Variants in SCN2A observed in about 807,000 individuals in gnomAD.
SCN2A encodes sodium voltage-gated channel alpha subunit 2.
SCN2A carries 20 observed loss-of-function variants against 188.7 expected under a neutral mutation model. That is an observed-to-expected ratio of 0.11 (90% CI 0.07 to 0.15). The LOEUF (loss-of-function observed/expected upper bound fraction) is 0.15. Among genes scored for constraint, SCN2A ranks in the 10% least tolerant of loss-of-function variants. The pLI is 1.00. For synonymous variants in SCN2A, 804 were observed against 833.1 expected (o/e 0.97, Z 0.60); for missense variants, 1,278 against 2,445.0 (o/e 0.52, Z 10.07).
chr2:165,310,602 TATACTC>T lies in SCN2A; in HGVS notation c.970+8_970+13del. On this transcript the variant is annotated splice_region_variant and intron_variant, in intron 7 of 26. Coordinates refer to ENST00000375437, the MANE Select transcript of SCN2A (RefSeq NM_001040142.2). ...GAATATATTGAGGATAAAAGTAAGA[TATACTC>T]TATAAACCATTAAGTTGTTTAGTTC... The T allele has an allele frequency of 6.3e-7, 1 of 1,599,908 alleles. No individual in the cohort carries two copies. The highest frequency in any genetic ancestry group is 8.6e-7 in the Non-Finnish European group (1 of 1,168,694).
At chr2:165,331,082 T>C (rs1303412449) in intron 13 of SCN2A, among the ~76,000 whole-genome samples, 1 of 152,132 alleles carries the variant, frequency 6.6e-6, no homozygotes, top group Non-Finnish European at 1.5e-5. Context: ...ATCAGACAGT[T>C]TAGTGTTGCC....
chr2:165,303,669 A>G (rs1285743122), intron 3 of SCN2A, among the ~76,000 whole-genome samples: 1 of 152,156 alleles, frequency 6.6e-6, no homozygotes, highest in Admixed American at 6.5e-5. Flanking sequence ...ATAAATTAAC[A>G]ATGATTTAGA....
chr2:165,305,383 C>T (rs2105234957), intron 3 of SCN2A, among the ~76,000 whole-genome samples: 1 of 152,274 alleles, frequency 6.6e-6, no homozygotes, highest in East Asian at 1.9e-4. Context: ...AGAGCGGTCT[C>T]ACTTGGAGAG....
chr2:165,358,668 T>A (rs1700300159), intron 17 of SCN2A, among the ~76,000 whole-genome samples: 1 of 152,058 alleles, frequency 6.6e-6, no homozygotes, highest in African/African-American at 2.4e-5. Flanking sequence ...GTCCATCTTC[T>A]TCATTTTCTT....
intron 1 of SCN2A, among the ~76,000 whole-genome samples, chr2:165,287,300 A>T (rs921336451): frequency 2.0e-5 from 3 of 152,134 alleles, no homozygotes; most frequent in African/African-American, 7.2e-5. Flanking sequence ...ATGTGCAGTG[A>T]TCTGCCAGCA....
chr2:165,325,782 A>C (rs1423270193), intron 12 of SCN2A, among the ~76,000 whole-genome samples: 1 of 152,172 alleles, frequency 6.6e-6, no homozygotes, highest in Non-Finnish European at 1.5e-5. Flanking sequence ...AATTAATTTT[A>C]GAATGACCTA....
intron 1 of SCN2A, among the ~76,000 whole-genome samples, chr2:165,253,387 G>A (rs891098190): frequency 1.8e-4 from 28 of 152,148 alleles, no homozygotes; most frequent in African/African-American, 5.3e-4. Context: ...ATCATTGAGA[G>A]GCCACTTATA....
intron 9 of SCN2A, 63 bp from the exon 10 acceptor site, chr2:165,313,839 C>T: frequency 6.2e-7 from 1 of 1,611,000 alleles, no homozygotes; most frequent in Non-Finnish European, 8.5e-7. Context: ...TATTTTATTA[C>T]TTAGAGTGTA....
intron 1 of SCN2A, chr2:165,267,869 C>T (rs1173129784): frequency 6.6e-6 from 1 of 151,854 alleles, no homozygotes; most frequent in Non-Finnish European, 1.5e-5. Context: ...CACTAATCAT[C>T]AGGAAAACAC....
chr2:165,268,700 G>C (rs1198827543), intron 1 of SCN2A: 1 of 151,760 alleles, frequency 6.6e-6, no homozygotes, highest in African/African-American at 2.4e-5. Context: ...ATTTCCAATA[G>C]ACAGGATACG....
chr2:165,356,863 T>C (rs2105341658), intron 17 of SCN2A, among the ~76,000 whole-genome samples: 1 of 152,298 alleles, frequency 6.6e-6, no homozygotes, highest in African/African-American at 2.4e-5. Context: ...ATCATTAAGC[T>C]TTTTGATTTG....
chr2:165,379,500 C>G (rs1001035972), intron 23 of SCN2A, among the ~76,000 whole-genome samples: 2 of 151,522 alleles, frequency 1.3e-5, no homozygotes, highest in Admixed American at 1.3e-4. Context: ...AAGGGTACAC[C>G]AAGGGTTTCT....
At chr2:165,299,921 C>T (rs190846070) in intron 3 of SCN2A, among the ~76,000 whole-genome samples, 18 of 152,220 alleles carry the variant, frequency 1.2e-4, no homozygotes, top group East Asian at 3.9e-4. Flanking sequence ...CAAACAAAAA[C>T]CTTGACTTGT....
chr2:165,354,134 G>A (rs2105336687), intron 16 of SCN2A, 58 bp from the exon 17 acceptor site: 2 of 1,607,466 alleles, frequency 1.2e-6, no homozygotes, highest in Admixed American at 3.3e-5. Context: ...AACTAATGAT[G>A]GAAAGCAATT....
At chr2:165,303,634 A>G (rs1475494049) in intron 3 of SCN2A, among the ~76,000 whole-genome samples, 1 of 152,176 alleles carries the variant, frequency 6.6e-6, no homozygotes, top group Admixed American at 6.5e-5. Flanking sequence ...GAATCCAGGA[A>G]TTTGTAAAGT....
chr2:165,283,586 A>G (rs1487561542), intron 1 of SCN2A, among the ~76,000 whole-genome samples: 1 of 152,210 alleles, frequency 6.6e-6, no homozygotes, highest in Non-Finnish European at 1.5e-5. Context: ...CAATAGCAAG[A>G]TTATAAGGGG....
chr2:165,315,205 T>C (rs768596716), intron 10 of SCN2A, among the ~76,000 whole-genome samples: 1 of 152,172 alleles, frequency 6.6e-6, no homozygotes, highest in Admixed American at 6.5e-5. Flanking sequence ...TTAAGTGTCT[T>C]GCTCATATTA....
At position 165,389,503 on chromosome 2, in the gene SCN2A, G is replaced by T. The variant is rs746574956; in HGVS notation, c.5697G>T (p.Thr1899=). 8.1e-6 allele frequency: 13 copies of T among 1,613,932 alleles called. No homozygotes were observed. Among genetic ancestry groups the T allele is most frequent in the Non-Finnish European group, 1.0e-5 (12 of 1,179,978 alleles). Residue 1899 remains threonine, a synonymous_variant, in exon 27 of 27, where the codon ACG becomes ACT. Coordinates refer to ENST00000375437, the MANE Select transcript of SCN2A (RefSeq NM_001040142.2). The surrounding 1 kb of genome is among the most constrained non-coding windows in gnomAD (Gnocchi z 4.2). ...TCTCTTATGAGCCCATTACGACCAC[G>T]TTGAAACGCAAACAAGAGGAGGTGT... ...SKVSYEPITT[T]LKRKQEEVSA...
In SCN2A at chr2:165,389,559, G is replaced by A. The variant is rs201718767; in HGVS notation, c.5753G>A (p.Arg1918His). ...SAIIIQRAYRRYLLKQKVKKV... is the reference protein window; with the variant it reads ...SAIIIQRAYRHYLLKQKVKKV... ...ATTATTATCCAGAGGGCTTACAGACGCTACCTCTTGAAGCAAAAAGTTAAA... is the reference window on the plus strand; with the variant it reads ...ATTATTATCCAGAGGGCTTACAGACACTACCTCTTGAAGCAAAAAGTTAAA... The change falls in exon 27 of 27, where the codon CGC (arginine) becomes CAC (histidine). Residue 1918 changes from arginine (R) to histidine (H), a missense_variant. Transcript: ENST00000375437. This position sits in a 1 kb window ranked among gnomAD's most constrained non-coding sequence, Gnocchi z 4.2. 7.1e-5 allele frequency: 114 copies of A among 1,613,738 alleles called. No individual in the cohort carries two copies. The highest frequency in any genetic ancestry group is 2.5e-4 in the East Asian group (11 of 44,864).
Sources: gnomAD v4.1 joint callset for allele counts (sites outside exome capture counted in the v4.1 genomes callset) on GRCh38, gnomAD v4.1.1 for gene constraint, Gnocchi (gnomAD v3.1) non-coding constraint, MANE v1.5 for transcripts, NCBI Gene and HGNC (gene_info 2026-07-23, HGNC 2026-07-21) for gene names.